The following SNX25 variants were observed in gnomAD, a reference collection of about 807,000 sequenced individuals.
SNX25 encodes the protein sorting nexin-25.
Under a neutral mutation model 113.7 loss-of-function variants are expected in SNX25, and 62 were observed. The ratio of observed to expected loss-of-function variants is 0.55; its 90% CI spans 0.44 to 0.67. SNX25 has a LOEUF of 0.67. SNX25 is among the 30% of genes least tolerant of loss of function. SNX25 has a pLI of 0.00. For missense variants in SNX25, 1,014 were observed against 1,161.0 expected (o/e 0.87, Z 1.84); for synonymous variants, 421 against 436.2 (o/e 0.97, Z 0.43).
chr4:185,371,404 T>C (rs184089869), downstream of SNX25, among the ~76,000 whole-genome samples: 248 of 152,092 alleles, frequency 1.6e-3, 1 homozygote, highest in African/African-American at 5.6e-3. Context: ...TAGCTGGGCA[T>C]GGTAGCGGGT....
chr4:185,237,599 C>T (rs3108282), intron 1 of SNX25, among the ~76,000 whole-genome samples: 20,834 of 152,000 alleles, frequency 0.14, 1,579 homozygotes, highest in African/African-American at 0.19. Flanking sequence ...GGTGGGCGCT[C>T]TAAGAGCTTT....
intron 2 of SNX25, 59 bp downstream of exon 2, chr4:185,247,437 G>A (rs1175632475): frequency 1.6e-6 from 2 of 1,217,608 alleles, no homozygotes; most frequent in Non-Finnish European, 2.4e-6. Flanking sequence ...TGTTCTAAGA[G>A]GAAAATAATA....
intron 13 of SNX25, among the ~76,000 whole-genome samples, chr4:185,349,444 G>C (rs1260784703): frequency 6.6e-6 from 1 of 152,166 alleles, no homozygotes; most frequent in Non-Finnish European, 1.5e-5. Context: ...TGACATTGCT[G>C]GATCTTATGG....
chr4:185,287,040 A>G (rs1438189566), intron 5 of SNX25, among the ~76,000 whole-genome samples: 2 of 152,248 alleles, frequency 1.3e-5, no homozygotes, highest in African/African-American at 4.8e-5. Context: ...TTACCAGCAG[A>G]TGAAATTAAT....
Position 185,355,120 on chromosome 4 carries a change from G to A in SNX25, c.2584+1518G>A, listed in dbSNP as rs768899846. On this transcript the variant is annotated intron_variant, in intron 15 of 18. Coordinates refer to ENST00000652585, the MANE Select transcript of SNX25 (RefSeq NM_001378034.2). ...GATGAAAAAATTTCAAGTGCAACTT[G>A]AATTTGTCTTCTGTGTCTTAATCCT... Among the ~76,000 whole-genome samples, 3 of 152,202 alleles carry A rather than the reference G, an allele frequency of 2.0e-5. No homozygotes were observed. The East Asian group carries it at 5.8e-4, about 29-fold the overall frequency.
At chr4:185,239,137 T>C (rs763162230) in intron 1 of SNX25, among the ~76,000 whole-genome samples, 12 of 152,198 alleles carry the variant, frequency 7.9e-5, no homozygotes, top group South Asian at 2.1e-4. Context: ...AAAGGGTTTA[T>C]TGATAAAACG....
intron 10 of SNX25, among the ~76,000 whole-genome samples, chr4:185,333,482 T>C (rs1045495469): frequency 4.6e-5 from 7 of 152,242 alleles, no homozygotes; most frequent in African/African-American, 1.7e-4. Context: ...AGTATTCTTT[T>C]TGTGGACATT....
intron 2 of SNX25, among the ~76,000 whole-genome samples, chr4:185,255,094 TGG>T (rs1015067398): frequency 6.6e-6 from 1 of 152,152 alleles, no homozygotes; most frequent in African/African-American, 2.4e-5. Context: ...TTAGTTTATA[TGG>T]TTATATAATG....
At chr4:185,298,133 G>A (rs1753105048) in intron 6 of SNX25, among the ~76,000 whole-genome samples, 1 of 138,348 alleles carries the variant, frequency 7.2e-6, no homozygotes, top group Admixed American at 8.1e-5. Context: ...CTGTCACCCA[G>A]ACTGCAGTGC....
Position 185,320,502 on chromosome 4 carries a change from A to G in SNX25, c.1345-231A>G, listed in dbSNP as rs548097202. ...GGGTGGGGGCAAGGGGAGAGAACTT[A>G]GAGGACTGGTCAATAGGTACAGCAA... On this transcript the variant is annotated intron_variant, in intron 7 of 18. Transcript: ENST00000652585. Among the ~76,000 whole-genome samples the G allele has an allele frequency of 9.8e-5, 15 of 152,308 alleles. No individual in the cohort carries two copies. In the South Asian group the frequency reaches 1.9e-3, roughly 19 times the overall value.
At chr4:185,239,819 G>T (rs1257496232) in intron 1 of SNX25, among the ~76,000 whole-genome samples, 2 of 145,218 alleles carry the variant, frequency 1.4e-5, no homozygotes, top group African/African-American at 2.6e-5. Flanking sequence ...TTCTCGCAGA[G>T]GGGGATTTGG....
In SNX25 at chr4:185,278,998, G is replaced by A. The variant is rs570921883; in HGVS notation, c.1092-9014G>A. ...TTTCTGTAACATGTAATTTCTGTAG[G>A]CTCTGGGAACTAGGAAATGAATATA... On this transcript the variant is annotated intron_variant, in intron 5 of 18. Transcript: ENST00000652585. Among the ~76,000 whole-genome samples the A allele has an allele frequency of 5.3e-5, 8 of 152,022 alleles. No individual in the cohort carries two copies. The South Asian group carries it at 1.7e-3, about 32-fold the overall frequency.
intron 11 of SNX25, among the ~76,000 whole-genome samples, chr4:185,341,227 GCATGCACA>G (rs1033493351): frequency 9.8e-5 from 14 of 142,188 alleles, no homozygotes; most frequent in African/African-American, 4.2e-4. Flanking sequence ...ACGTGTGCAC[GCATGCACA>G]CATACAATAT....
At chr4:185,370,865 GT>G, downstream of SNX25, 1 of 1,593,426 alleles carries the variant, frequency 6.3e-7, no homozygotes, top group Non-Finnish European at 8.6e-7. Context: ...TATGGTAAGT[GT>G]TTGTAAAACG....
At chr4:185,345,470 A>G (rs1006289735) in intron 12 of SNX25, among the ~76,000 whole-genome samples, 2 of 152,182 alleles carry the variant, frequency 1.3e-5, no homozygotes, top group Non-Finnish European at 2.9e-5. Flanking sequence ...TATTTTGTTA[A>G]TATACTTACA....
chr4:185,343,888 C>T (rs1459104247), intron 12 of SNX25, among the ~76,000 whole-genome samples: 2 of 152,110 alleles, frequency 1.3e-5, no homozygotes, highest in Non-Finnish European at 2.9e-5. Context: ...ACTATCCATG[C>T]TAGCAAGGGG....
chr4:185,233,342 G>A (rs987626707), intron 1 of SNX25, among the ~76,000 whole-genome samples: 4 of 151,736 alleles, frequency 2.6e-5, no homozygotes, highest in African/African-American at 7.3e-5. Flanking sequence ...TTTATTTACC[G>A]TTCCCTCTCC....
chr4:185,301,734 G>A (rs1463764348), intron 6 of SNX25, among the ~76,000 whole-genome samples: 1 of 151,320 alleles, frequency 6.6e-6, no homozygotes, highest in Non-Finnish European at 1.5e-5. Context: ...CCACAGGCAT[G>A]CGCCAGCACG....
chr4:185,316,291 C>G (rs372349933), intron 7 of SNX25, among the ~76,000 whole-genome samples: 1 of 152,136 alleles, frequency 6.6e-6, no homozygotes, highest in Non-Finnish European at 1.5e-5. Context: ...AGTCTCCGAA[C>G]AACCTGGAAA....
Sources: gnomAD v4.1 joint callset for allele counts (sites outside exome capture counted in the v4.1 genomes callset) on GRCh38, gnomAD v4.1.1 for gene constraint, MANE v1.5 for transcripts, NCBI Gene and HGNC (gene_info 2026-07-23, HGNC 2026-07-21) for gene names.